The following BANK1 variants were observed in gnomAD, a reference collection of about 807,000 sequenced individuals.
BANK1 encodes the protein B cell scaffold protein with ankyrin repeats 1, also known as B-cell scaffold protein with ankyrin repeats.
A neutral mutation model predicts 94.5 loss-of-function variants in BANK1; 95 were observed. The ratio of observed to expected loss-of-function variants is 1.00; its 90% CI spans 0.85 to 1.19. The LOEUF is 1.19. BANK1 is among the 50% of genes most tolerant of loss of function. The pLI is 0.00. For missense variants in BANK1, 987 were observed against 932.2 expected, an observed-to-expected ratio of 1.06 and a Z score of -0.77; for synonymous variants, 334 against 308.4, an observed-to-expected ratio of 1.08 and a Z score of -0.87.
At chr4:101,804,665 A>G (rs1725493944) in intron 1 of BANK1, among the ~76,000 whole-genome samples, 1 of 152,180 alleles carries the variant, frequency 6.6e-6, no homozygotes, top group Non-Finnish European at 1.5e-5. Flanking sequence ...GTATTGATAA[A>G]TACAGTACAG....
intron 7 of BANK1, among the ~76,000 whole-genome samples, chr4:101,985,442 C>A (rs1163194610): frequency 6.6e-6 from 1 of 152,104 alleles, no homozygotes; most frequent in African/African-American, 2.4e-5. Context: ...ATAAAATTAA[C>A]AATCACTAAA....
chr4:101,817,892 C>T (rs1292722649), intron 1 of BANK1, among the ~76,000 whole-genome samples: 1 of 151,104 alleles, frequency 6.6e-6, no homozygotes. Context: ...TTATATGTGG[C>T]CCGAGACAAT....
At chr4:101,979,637 A>G (rs1260507224) in intron 7 of BANK1, among the ~76,000 whole-genome samples, 2 of 151,902 alleles carry the variant, frequency 1.3e-5, no homozygotes, top group African/African-American at 4.8e-5. Flanking sequence ...CTCTATATGT[A>G]TGATTTTGAT....
chr4:101,988,754 C>A (rs542790410), intron 7 of BANK1, among the ~76,000 whole-genome samples: 5 of 152,190 alleles, frequency 3.3e-5, no homozygotes, highest in African/African-American at 1.2e-4. Flanking sequence ...TTATAATGAT[C>A]AAGCCCTTGA....
At position 101,790,885 on chromosome 4, in the gene BANK1, T is replaced by G. The variant is rs1479539678; in HGVS notation, c.5T>G (p.Leu2Arg). Residue 2 changes from leucine to arginine, a missense_variant, in exon 1 of 17, where the codon CTG (leucine) becomes CGG (arginine). Physicochemically the swap from Leu to Arg is moderately radical, Grantham distance 102 (BLOSUM62 -2). Transcript: ENST00000322953. M[L>R]PAAPGKGLGS... is the part of the protein sequence containing the mutation. ...CCCTCGGCTTCAACCGCCACAATGC[T>G]GCCAGCAGCGCCAGGCAAGGGGCTT... 2 of 1,538,940 alleles carry G rather than the reference T, an allele frequency of 1.3e-6. No individual in the cohort carries two copies. The highest frequency in any genetic ancestry group is 2.4e-5 in the South Asian group (2 of 84,116).
intron 6 of BANK1, among the ~76,000 whole-genome samples, chr4:101,917,709 C>G (rs1294929886): frequency 6.7e-6 from 1 of 150,234 alleles, no homozygotes; most frequent in Non-Finnish European, 1.5e-5. Flanking sequence ...GTTTTTCTTT[C>G]TTTTTTTTTC....
chr4:102,027,974 G>A (rs1727160530), intron 9 of BANK1, among the ~76,000 whole-genome samples: 1 of 152,094 alleles, frequency 6.6e-6, no homozygotes. Context: ...TCAAAAGTTG[G>A]AATTATGGAA....
chr4:101,892,958 A>AT (rs1266604885), intron 5 of BANK1, among the ~76,000 whole-genome samples: 1 of 151,882 alleles, frequency 6.6e-6, no homozygotes. Flanking sequence ...CATTTCTGTG[A>AT]TTTTTCACAT....
intron 4 of BANK1, among the ~76,000 whole-genome samples, chr4:101,869,734 A>G (rs532867657): frequency 5.0e-4 from 76 of 152,088 alleles, no homozygotes; most frequent in African/African-American, 1.8e-3. Context: ...ACAGATTAAA[A>G]GCACTTAAAA....
Position 102,045,486 on chromosome 4 carries a change from AAG to A in BANK1, c.1969+1582_1969+1583del, listed in dbSNP as rs977723059. 1.7e-3 allele frequency among the ~76,000 whole-genome samples: 252 copies of A among 152,280 alleles called. 1 individual carries two copies. Among genetic ancestry groups the A allele is most frequent in the African/African-American group, 6.0e-3 (248 of 41,554 alleles). The stretch of plus-strand genomic sequence containing the variant: ...AAATAAAGGGTATTCAATTGGGAAA[AAG>A]AGGAAGTCAAATTGTCCCTGTTTGC... On this transcript the variant is annotated intron_variant, in intron 11 of 16. Coordinates refer to ENST00000322953, the MANE Select transcript of BANK1 (RefSeq NM_017935.5).
At chr4:102,034,508 A>G (rs188646738) in intron 10 of BANK1, among the ~76,000 whole-genome samples, 175 of 152,300 alleles carry the variant, frequency 1.1e-3, no homozygotes, top group African/African-American at 3.9e-3. Flanking sequence ...AATGCATTAT[A>G]ATTAAAACAA....
At chr4:102,012,650 G>T (rs906753788) in intron 7 of BANK1, among the ~76,000 whole-genome samples, 1 of 152,102 alleles carries the variant, frequency 6.6e-6, no homozygotes. Context: ...TTATATGTTT[G>T]CTTCTAGCTT....
chr4:101,983,498 A>C (rs1725386068), intron 7 of BANK1, among the ~76,000 whole-genome samples: 1 of 152,106 alleles, frequency 6.6e-6, no homozygotes. Context: ...GTGAGGATAA[A>C]GTGAGTTAAT....
chr4:101,854,290 A>C (rs532424217), intron 2 of BANK1, among the ~76,000 whole-genome samples: 1 of 152,326 alleles, frequency 6.6e-6, no homozygotes, highest in South Asian at 2.1e-4. Context: ...ATAATAAAAC[A>C]TGATCTATTT....
intron 1 of BANK1, among the ~76,000 whole-genome samples, chr4:101,791,484 T>C (rs1724983648): frequency 6.6e-6 from 1 of 152,184 alleles, no homozygotes; most frequent in Admixed American, 6.5e-5. Context: ...CTGGCTTTAC[T>C]AACTTGGTCA....
intron 7 of BANK1, among the ~76,000 whole-genome samples, chr4:102,002,944 T>C (rs1245954926): frequency 6.6e-6 from 1 of 152,126 alleles, no homozygotes; most frequent in Non-Finnish European, 1.5e-5. Flanking sequence ...CAGCTAATTT[T>C]GGTATTTTAT....
intron 2 of BANK1, among the ~76,000 whole-genome samples, chr4:101,835,911 C>T (rs1726806819): frequency 6.6e-6 from 1 of 152,170 alleles, no homozygotes; most frequent in African/African-American, 2.4e-5. Context: ...TTTTTGCGTT[C>T]ACTCCATTGT....
chr4:101,870,509 T>C lies in BANK1; in HGVS notation c.768T>C (p.Phe256=). The change falls in exon 5 of 17, where the codon TTT becomes TTC. Residue 256 remains phenylalanine (F), a synonymous_variant. Coordinates refer to ENST00000322953, the MANE Select transcript of BANK1 (RefSeq NM_017935.5). ...CCCTTGTTTGTTTTTCATAAGAGTT[T>C]CCTGCTGGTTCAGTCCATGTCAATG... ...KKVWCMKALE[F]PAGSVHVNVY... The C allele has an allele frequency of 5.0e-6, 8 of 1,610,768 alleles. No individual in the cohort carries two copies. The highest frequency in any genetic ancestry group is 6.8e-6 in the Non-Finnish European group (8 of 1,178,518).
At chr4:101,900,094 AT>A (rs1175909257) in intron 6 of BANK1, among the ~76,000 whole-genome samples, 2 of 152,160 alleles carry the variant, frequency 1.3e-5, no homozygotes, top group Non-Finnish European at 2.9e-5. Flanking sequence ...TGGACATAGT[AT>A]TTTCTCCCAA....
Sources: allele counts gnomAD v4.1 joint callset (sites outside exome capture counted in the v4.1 genomes callset), GRCh38; gene constraint gnomAD v4.1.1; transcripts MANE v1.5; gene names NCBI Gene and HGNC (gene_info 2026-07-23, HGNC 2026-07-21).